TMEM52B: variants seen among roughly 807,000 people sequenced by gnomAD.
TMEM52B encodes chromosome 12 open reading frame 59.
A neutral mutation model predicts 16.1 loss-of-function variants in TMEM52B; 11 were observed. The observed-to-expected ratio is 0.68, with a 90% CI of 0.43 to 1.13. The LOEUF is 1.13. TMEM52B is among the 50% of genes most tolerant of loss of function. The pLI is 0.00. For synonymous variants in TMEM52B, 101 were observed against 93.8 expected, an observed-to-expected ratio of 1.08 and a Z score of -0.45; for missense variants, 243 against 230.4, an observed-to-expected ratio of 1.05 and a Z score of -0.35.
chr12:10,177,157 C>T (rs140919487), upstream of TMEM52B, among the ~76,000 whole-genome samples: 61 of 152,304 alleles, frequency 4.0e-4, no homozygotes, highest in African/African-American at 1.4e-3. Flanking sequence ...AAGCCCTGCT[C>T]TCCTTGTCCT....
chr12:10,172,218 G>A (rs1268569955), intron 1 of TMEM52B: 1 of 617,792 alleles, frequency 1.6e-6, no homozygotes, highest in Non-Finnish European at 2.8e-6. Flanking sequence ...GGAGGAAGGA[G>A]AGGCTTTGCT....
At position 10,190,145 on chromosome 12, in the gene TMEM52B, A is replaced by G; in HGVS notation, c.*5A>G. ...ATAGTTGACTCTTGGAACTGATGAG[A>G]GCTGTCATTTTATAAATAGGAGTGG... On this transcript the variant is annotated 3_prime_UTR_variant, in exon 5 of 5. Transcript: ENST00000543484. The G allele has an allele frequency of 1.2e-6, 2 of 1,614,052 alleles. No homozygotes were observed. The highest frequency in any genetic ancestry group is 1.7e-6 in the Non-Finnish European group (2 of 1,179,982).
chr12:10,179,956 T>C (rs1020706466), intron 1 of TMEM52B, among the ~76,000 whole-genome samples: 2 of 152,146 alleles, frequency 1.3e-5, no homozygotes, highest in African/African-American at 4.8e-5. Flanking sequence ...CCAAACAAAT[T>C]ATGAAAACTA....
intron 4 of TMEM52B, among the ~76,000 whole-genome samples, chr12:10,188,200 C>A (rs1948903348): frequency 6.6e-6 from 1 of 152,046 alleles, no homozygotes; most frequent in Non-Finnish European, 1.5e-5. Context: ...AAAGGATAAC[C>A]AAGGCTGGGC....
chr12:10,174,899 G>A (rs1462280477), upstream of TMEM52B, among the ~76,000 whole-genome samples: 3 of 152,156 alleles, frequency 2.0e-5, no homozygotes, highest in Admixed American at 6.5e-5. Flanking sequence ...CAATGTGGTA[G>A]CATGTGTCAG....
chr12:10,182,719 CT>C (rs1486111171), intron 2 of TMEM52B, 126 bp downstream of exon 2: 4 of 1,002,242 alleles, frequency 4.0e-6, no homozygotes, highest in Admixed American at 3.2e-5. Context: ...AGTAATAGAT[CT>C]CATAGATGAC....
Position 10,180,562 on chromosome 12 carries a change from C to T in TMEM52B, c.54+934C>T, listed in dbSNP as rs533110493. Among the ~76,000 whole-genome samples, 5 of 152,192 alleles carry T rather than the reference C, an allele frequency of 3.3e-5. No individual in the cohort carries two copies. The South Asian group carries it at 1.0e-3, about 32-fold the overall frequency. ...TTTCTTTCCAATGAAAACACAAACACGGGTTTCTCAAATGTTACCTGCAAA... is the reference window on the plus strand; with the variant it reads ...TTTCTTTCCAATGAAAACACAAACATGGGTTTCTCAAATGTTACCTGCAAA... On this transcript the variant is annotated intron_variant, in intron 1 of 4. Transcript: ENST00000543484.
At chr12:10,172,954 T>G (rs1948735820) in intron 1 of TMEM52B, among the ~76,000 whole-genome samples, 1 of 152,210 alleles carries the variant, frequency 6.6e-6, no homozygotes. Context: ...GTGAAAAATG[T>G]CACGTTGCTA....
rs1304182370 is a variant in TMEM52B at position 10,179,336 on chromosome 12, A to G, written c.-239A>G. 1.9e-6 allele frequency: 1 copy of G among 530,394 alleles called. No homozygotes were observed. Among genetic ancestry groups the G allele is most frequent in the East Asian group, 3.1e-5 (1 of 32,690 alleles). The allele number at this position is 530,394 out of a possible 1,614,324, so 32.9% of individuals were successfully genotyped here. The stretch of plus-strand genomic sequence containing the variant: ...AAAAGGAAGTAAATGTGGAGGCCAT[A>G]GAAATAGTAATAAGAATAAAGAAGA... On this transcript the variant is annotated 5_prime_UTR_variant, in exon 1 of 5. It adds an upstream start codon to the 5' untranslated region. Coordinates refer to ENST00000543484, the MANE Select transcript of TMEM52B (RefSeq NM_001384896.1).
chr12:10,190,347 T>C lies in TMEM52B; in HGVS notation c.*207T>C. ...TTGGGAACTCTAATTTTGTATCCAA[T>C]GGCCAAAATCTGCAAGTAATCTCTA... On this transcript the variant is annotated 3_prime_UTR_variant, in exon 5 of 5. Transcript: ENST00000543484. The C allele has an allele frequency of 4.9e-6, 3 of 617,618 alleles. No homozygotes were observed. The highest frequency in any genetic ancestry group is 8.1e-6 in the Non-Finnish European group (3 of 370,728). The allele number at this position is 617,618 out of a possible 1,614,324, so 38.3% of individuals were successfully genotyped here.
At chr12:10,171,905 T>G in intron 1 of TMEM52B, 1 of 825,550 alleles carries the variant, frequency 1.2e-6, no homozygotes, top group Non-Finnish European at 2.0e-6. Context: ...TTCCCATACT[T>G]GGGTGTTTAG....
At chr12:10,187,058 C>T (rs1948887982) in intron 4 of TMEM52B, among the ~76,000 whole-genome samples, 1 of 147,390 alleles carries the variant, frequency 6.8e-6, no homozygotes, top group South Asian at 2.1e-4. Context: ...GATTATAAGA[C>T]ACTTTCCCTT....
Position 10,189,930 on chromosome 12 carries a change from G to A in TMEM52B, c.342G>A (p.Arg114=). The A allele has an allele frequency of 1.2e-6, 2 of 1,614,120 alleles. No individual in the cohort carries two copies. Among genetic ancestry groups the A allele is most frequent in the Non-Finnish European group, 1.7e-6 (2 of 1,180,050 alleles). ...LQSVFGPAAR[R]ILAVAHSHSS... ...CGGTGTTTGGCCCTGCAGCTCGGAGGATCCTGGCTGTGGCTCACTCCCACA... is the reference window on the plus strand; with the variant it reads ...CGGTGTTTGGCCCTGCAGCTCGGAGAATCCTGGCTGTGGCTCACTCCCACA... Residue 114 remains arginine, a synonymous_variant, in exon 5 of 5, where the codon AGG becomes AGA. Coordinates refer to ENST00000543484, the MANE Select transcript of TMEM52B (RefSeq NM_001384896.1).
At chr12:10,187,366 C>T (rs1253855142) in intron 4 of TMEM52B, among the ~76,000 whole-genome samples, 1 of 151,430 alleles carries the variant, frequency 6.6e-6, no homozygotes, top group Non-Finnish European at 1.5e-5. Flanking sequence ...TCACAAAGGG[C>T]TGGGATTACA....
At chr12:10,180,962 C>T (rs953465518) in intron 1 of TMEM52B, among the ~76,000 whole-genome samples, 7 of 152,254 alleles carry the variant, frequency 4.6e-5, no homozygotes, top group South Asian at 4.1e-4. Flanking sequence ...TGCACCACCA[C>T]GCCTGGCTAA....
At position 10,190,138 on chromosome 12, in the gene TMEM52B, T is replaced by C; in HGVS notation, c.550T>C (p.Ter184ArgextTer1). ...ESTRIVDSWN[*>R] ...GACTCGAATAGTTGACTCTTGGAACTGATGAGAGCTGTCATTTTATAAATA... is the reference window on the plus strand; with the variant it reads ...GACTCGAATAGTTGACTCTTGGAACCGATGAGAGCTGTCATTTTATAAATA... Residue 184 changes from the stop codon to arginine (R), a stop_lost, in exon 5 of 5, where the codon TGA becomes CGA. Transcript: ENST00000543484. 6.2e-7 allele frequency: 1 copy of C among 1,614,138 alleles called. No individual in the cohort carries two copies. Among genetic ancestry groups the C allele is most frequent in the South Asian group, 1.1e-5 (1 of 91,072 alleles).
Position 10,179,488 on chromosome 12 carries a change from G to A in TMEM52B, c.-87G>A, listed in dbSNP as rs979387330. The A allele has an allele frequency of 7.0e-7, 1 of 1,424,392 alleles. No homozygotes were observed. Among genetic ancestry groups the A allele is most frequent in the Non-Finnish European group, 9.9e-7 (1 of 1,008,470 alleles). The allele number at this position is 1,424,392 out of a possible 1,614,324, so 88.2% of individuals were successfully genotyped here. On this transcript the variant is annotated 5_prime_UTR_variant, in exon 1 of 5. Transcript: ENST00000543484. ...AAAGTTTCTCTTCTTAAGAATTCTA[G>A]GTCAAGAAGTAAAATATGGCACAGA...
At chr12:10,176,042 G>A (rs1236958846), upstream of TMEM52B, among the ~76,000 whole-genome samples, 1 of 152,188 alleles carries the variant, frequency 6.6e-6, no homozygotes, top group Non-Finnish European at 1.5e-5. Context: ...CTGGACATAA[G>A]CTAATGATTC....
chr12:10,183,578 C>T (rs931970240), intron 2 of TMEM52B, among the ~76,000 whole-genome samples: 9 of 152,174 alleles, frequency 5.9e-5, no homozygotes, highest in African/African-American at 2.2e-4. Flanking sequence ...AAATTTACTA[C>T]TCTTCAAAGA....
Sources: gnomAD v4.1 joint callset for allele counts (sites outside exome capture counted in the v4.1 genomes callset) on GRCh38, gnomAD v4.1.1 for gene constraint, MANE v1.5 for transcripts, NCBI Gene and HGNC (gene_info 2026-07-23, HGNC 2026-07-21) for gene names.